RORA: variants seen among roughly 807,000 people sequenced by gnomAD.
RORA encodes RAR related orphan receptor A.
In RORA, 7 loss-of-function variants were observed where a neutral mutation model predicts 69.5. The observed-to-expected ratio is 0.10, with a 90% CI of 0.06 to 0.19. The LOEUF (loss-of-function observed/expected upper bound fraction) is 0.19. Among genes scored for constraint, RORA ranks in the 10% least tolerant of loss-of-function variants. The pLI is 1.00. For missense variants in RORA, 457 were observed against 663.0 expected, an observed-to-expected ratio of 0.69 and a Z score of 3.41; for synonymous variants, 261 against 240.8, an observed-to-expected ratio of 1.08 and a Z score of -0.78.
intron 6 of RORA, among the ~76,000 whole-genome samples, chr15:60,504,805 G>A (rs146876537): frequency 9.2e-5 from 14 of 152,124 alleles, no homozygotes; most frequent in Admixed American, 2.6e-4. Flanking sequence ...GATCTTTTTC[G>A]TTGCTAACTT....
chr15:61,108,472 C>G (rs892586552), intron 1 of RORA, among the ~76,000 whole-genome samples: 7 of 152,218 alleles, frequency 4.6e-5, no homozygotes, highest in African/African-American at 1.7e-4. Context: ...ATTGGAAACA[C>G]AGCTATACCG....
At chr15:61,022,686 T>C (rs1051211103) in intron 1 of RORA, among the ~76,000 whole-genome samples, 9 of 152,144 alleles carry the variant, frequency 5.9e-5, no homozygotes, top group South Asian at 2.1e-4. Flanking sequence ...CCTAGACACA[T>C]TGTGGCAAAG....
intron 1 of RORA, among the ~76,000 whole-genome samples, chr15:60,910,502 A>G (rs575033411): frequency 3.3e-4 from 51 of 152,324 alleles, no homozygotes; most frequent in Middle Eastern, 3.4e-3. Flanking sequence ...TACTCCTCTT[A>G]TTCAATCACA....
At chr15:61,097,726 C>T (rs2078811889) in intron 1 of RORA, among the ~76,000 whole-genome samples, 1 of 152,138 alleles carries the variant, frequency 6.6e-6, no homozygotes, top group Non-Finnish European at 1.5e-5. Context: ...TCTATCTGGG[C>T]TGTAAATCGT....
intron 1 of RORA, among the ~76,000 whole-genome samples, chr15:60,886,459 A>C (rs528040547): frequency 1.3e-5 from 2 of 152,294 alleles, no homozygotes; most frequent in Non-Finnish European, 2.9e-5. Context: ...AATATCCCAC[A>C]TGAAAGGCCC....
intron 2 of RORA, among the ~76,000 whole-genome samples, chr15:60,551,232 A>G (rs1414220469): frequency 6.6e-6 from 1 of 151,958 alleles, no homozygotes; most frequent in Non-Finnish European, 1.5e-5. Context: ...TTGTTTTGAT[A>G]ATCTCATGTC....
intron 1 of RORA, among the ~76,000 whole-genome samples, chr15:61,190,263 C>G (rs1368669952): frequency 6.6e-6 from 1 of 152,026 alleles, no homozygotes; most frequent in Non-Finnish European, 1.5e-5. Context: ...AAAATAAAAC[C>G]TGACTTTACA....
chr15:60,648,628 A>G (rs1202087065), intron 2 of RORA, among the ~76,000 whole-genome samples: 2 of 152,258 alleles, frequency 1.3e-5, no homozygotes, highest in African/African-American at 4.8e-5. Flanking sequence ...CATGTCTGTC[A>G]TGAAATCTGA....
At chr15:60,521,050 G>C (rs749249941) in intron 3 of RORA, among the ~76,000 whole-genome samples, 1 of 152,026 alleles carries the variant, frequency 6.6e-6, no homozygotes, top group Non-Finnish European at 1.5e-5. Context: ...GACTTTGAGA[G>C]ATTATCAGGT....
chr15:60,946,467 G>T (rs540794833), intron 1 of RORA, among the ~76,000 whole-genome samples: 1 of 152,220 alleles, frequency 6.6e-6, no homozygotes, highest in African/African-American at 2.4e-5. Context: ...ACGGGGTTTC[G>T]CTTTGTTGGC....
Position 60,978,959 on chromosome 15 carries a change from C to CCCTTTTTTTTTTT in RORA, c.166+250093_166+250094insAAAAAAAAAAAGG, listed in dbSNP as rs1423510527. On this transcript the variant is annotated intron_variant, in intron 1 of 10. Coordinates refer to ENST00000335670, the MANE Select transcript of RORA (RefSeq NM_134261.3). ...AGGAAGTGTGAGTCCTCCAACTTTG[C>CCCTTTTTTTTTTT]TCTTTTTTTTTTTTTTTTTTGAGAC... Among the ~76,000 whole-genome samples, 143 of 48,924 alleles carry CCCTTTTTTTTTTT rather than the reference C, an allele frequency of 2.9e-3. 2 individuals are homozygous for CCCTTTTTTTTTTT. The highest frequency in any genetic ancestry group is 9.9e-3 in the African/African-American group (135 of 13,680). 32.1% of individuals were successfully genotyped at this position (48,924 alleles called of 152,430 possible).
intron 1 of RORA, among the ~76,000 whole-genome samples, chr15:60,948,883 T>C (rs1419872902): frequency 1.3e-5 from 2 of 152,204 alleles, no homozygotes; most frequent in Non-Finnish European, 2.9e-5. Flanking sequence ...AAGAGACTGA[T>C]AGTTCAGGCA....
chr15:60,742,750 T>A (rs114850851), intron 1 of RORA, among the ~76,000 whole-genome samples: 4,280 of 152,304 alleles, frequency 0.028, 141 homozygotes, highest in African/African-American at 0.074. Context: ...TGTGCCTAGC[T>A]CATTATTTCA....
At chr15:60,699,830 T>C (rs990690366) in intron 1 of RORA, among the ~76,000 whole-genome samples, 6 of 151,838 alleles carry the variant, frequency 4.0e-5, no homozygotes, top group Admixed American at 1.3e-4. Flanking sequence ...GTTTTCCAAA[T>C]AGGGCTGATT....
At position 61,155,758 on chromosome 15, in the gene RORA, T is replaced by C. The variant is rs142237644; in HGVS notation, c.166+73295A>G. On this transcript the variant is annotated intron_variant, in intron 1 of 10. Transcript: ENST00000335670. ...TTAATTACCCAACCACAGAAGAAAC[T>C]TGACAAAGGCTGATGATGTGTTTAC... 3.3e-3 allele frequency among the ~76,000 whole-genome samples: 506 copies of C among 152,298 alleles called. 5 individuals are homozygous for C. Among genetic ancestry groups the C allele is most frequent in the African/African-American group, 0.012 (492 of 41,574 alleles).
intron 1 of RORA, among the ~76,000 whole-genome samples, chr15:61,221,928 G>A (rs544949227): frequency 1.3e-5 from 2 of 151,418 alleles, no homozygotes; most frequent in South Asian, 2.1e-4. Flanking sequence ...AGCCTGAGGC[G>A]GGAGGATCCC....
At chr15:60,828,905 T>C (rs533829646) in intron 1 of RORA, among the ~76,000 whole-genome samples, 1 of 152,348 alleles carries the variant, frequency 6.6e-6, no homozygotes, top group South Asian at 2.1e-4. Flanking sequence ...CTCATTTACT[T>C]TCATCTTGCA....
At chr15:61,089,718 C>T (rs575547491) in intron 1 of RORA, among the ~76,000 whole-genome samples, 2 of 152,244 alleles carry the variant, frequency 1.3e-5, no homozygotes, top group Non-Finnish European at 2.9e-5. Context: ...TGGTGGAGAA[C>T]AGACCTATCC....
At chr15:60,592,557 A>C in intron 2 of RORA, 2 of 1,251,614 alleles carry the variant, frequency 1.6e-6, no homozygotes, top group Non-Finnish European at 2.0e-6. Flanking sequence ...CCCGAGCCAT[A>C]AGAGGCTCCA....
Sources: gnomAD v4.1 joint callset for allele counts (sites outside exome capture counted in the v4.1 genomes callset) on GRCh38, gnomAD v4.1.1 for gene constraint, MANE v1.5 for transcripts, NCBI Gene and HGNC (gene_info 2026-07-23, HGNC 2026-07-21) for gene names.